Variants in CDH8 observed in about 807,000 individuals in gnomAD.
CDH8 encodes cadherin-8.
In CDH8, 17 loss-of-function variants were observed where a neutral mutation model predicts 68.1. The observed-to-expected ratio is 0.25, with a 90% confidence interval of 0.17 to 0.37. The LOEUF (loss-of-function observed/expected upper bound fraction) is 0.37. CDH8 is among the 10% of genes least tolerant of loss of function. The pLI is 1.00. For missense variants in CDH8, 763 were observed against 999.3 expected, an observed-to-expected ratio of 0.76 and a Z score of 3.19; for synonymous variants, 372 against 365.1, an observed-to-expected ratio of 1.02 and a Z score of -0.21.
chr16:61,930,739 G>A (rs995895206), intron 2 of CDH8, among the ~76,000 whole-genome samples: 3 of 152,106 alleles, frequency 2.0e-5, no homozygotes, highest in African/African-American at 7.2e-5. Context: ...AATGCCTAAA[G>A]TAAGAGTTTG....
At chr16:61,813,612 T>C (rs1596990410) in intron 7 of CDH8, among the ~76,000 whole-genome samples, 1 of 152,008 alleles carries the variant, frequency 6.6e-6, no homozygotes, top group South Asian at 2.1e-4. Context: ...TTCCGTGTCC[T>C]AGCCGGGAGG....
At chr16:61,894,232 T>C (rs770679555) in intron 3 of CDH8, among the ~76,000 whole-genome samples, 4 of 152,198 alleles carry the variant, frequency 2.6e-5, no homozygotes, top group Non-Finnish European at 5.9e-5. Flanking sequence ...CTGTATCTAA[T>C]CCTAAGGAAA....
intron 2 of CDH8, among the ~76,000 whole-genome samples, chr16:61,914,524 GT>G (rs1238992547): frequency 6.6e-6 from 1 of 151,860 alleles, no homozygotes; most frequent in Non-Finnish European, 1.5e-5. Context: ...GATTATCCAA[GT>G]AAAACCAATC....
intron 8 of CDH8, among the ~76,000 whole-genome samples, chr16:61,740,439 A>C (rs1055511150): frequency 6.6e-6 from 1 of 152,158 alleles, no homozygotes; most frequent in Non-Finnish European, 1.5e-5. Flanking sequence ...AAAGCATATA[A>C]ATGTTAAGAA....
At chr16:61,867,773 T>G (rs1963283736) in intron 3 of CDH8, among the ~76,000 whole-genome samples, 1 of 152,160 alleles carries the variant, frequency 6.6e-6, no homozygotes, top group Admixed American at 6.5e-5. Context: ...GATTCCAGAT[T>G]TAGTTGATTC....
intron 8 of CDH8, among the ~76,000 whole-genome samples, chr16:61,788,813 T>G (rs758961498): frequency 1.3e-5 from 2 of 152,002 alleles, no homozygotes; most frequent in Non-Finnish European, 2.9e-5. Context: ...GATATAATTT[T>G]AAACAGCCTA....
chr16:61,994,515 G>A (rs777118834), intron 2 of CDH8, among the ~76,000 whole-genome samples: 5 of 152,150 alleles, frequency 3.3e-5, no homozygotes, highest in African/African-American at 7.2e-5. Context: ...AAAATTTGTC[G>A]AATGACTAAT....
At chr16:61,897,251 A>G (rs188237341) in intron 3 of CDH8, among the ~76,000 whole-genome samples, 1 of 151,956 alleles carries the variant, frequency 6.6e-6, no homozygotes, top group East Asian at 1.9e-4. Flanking sequence ...TTCATTACGT[A>G]GCTGATAATT....
intron 2 of CDH8, among the ~76,000 whole-genome samples, chr16:61,960,366 T>TATATACATGTGTGTGTGTATACACAC (rs1567546703): frequency 1.2e-5 from 1 of 85,782 alleles, no homozygotes; most frequent in African/African-American, 5.8e-5. Flanking sequence ...TGTATACACA[T>TATATACATGTGTGTGTGTATACACAC]ACATATATAC....
chr16:62,000,830 T>C (rs1965881724), intron 2 of CDH8, among the ~76,000 whole-genome samples: 1 of 152,226 alleles, frequency 6.6e-6, no homozygotes, highest in Admixed American at 6.5e-5. Context: ...GTAGTAGTAT[T>C]ACTACTAGTA....
chr16:61,736,771 T>C (rs1300188247), intron 8 of CDH8, among the ~76,000 whole-genome samples: 2 of 152,158 alleles, frequency 1.3e-5, no homozygotes, highest in African/African-American at 4.8e-5. Context: ...ATAAAACTAA[T>C]CAGATAAGCT....
In CDH8 at chr16:61,913,869, A is replaced by G. The variant is rs985940221; in HGVS notation, c.253-12396T>C. 1.6e-4 allele frequency among the ~76,000 whole-genome samples: 25 copies of G among 152,190 alleles called. 1 individual carries two copies. Among genetic ancestry groups the G allele is most frequent in the Admixed American group, 1.5e-3 (23 of 15,270 alleles). ...TCCATTTCTAATCAAAAACAAAAAT[A>G]ATCATTTCAAGCCCACTGTTATAGG... On this transcript the variant is annotated intron_variant, in intron 2 of 11. Coordinates refer to ENST00000577390, the MANE Select transcript of CDH8 (RefSeq NM_001796.5).
intron 8 of CDH8, among the ~76,000 whole-genome samples, chr16:61,751,382 TAAA>T (rs71134375): frequency 0.042 from 2,290 of 54,020 alleles, 26 homozygotes; most frequent in African/African-American, 0.13. Flanking sequence ...ATATTCTCCT[TAAA>T]AAAAAAAAAA....
chr16:61,848,478 T>G (rs1260653178), intron 4 of CDH8, among the ~76,000 whole-genome samples: 8 of 152,124 alleles, frequency 5.3e-5, no homozygotes, highest in Non-Finnish European at 1.2e-4. Flanking sequence ...CTTACCCAAG[T>G]ATATTTAACT....
Position 61,652,018 on chromosome 16 carries a change from T to A in CDH8, c.*1590A>T. On this transcript the variant is annotated 3_prime_UTR_variant, in exon 12 of 12. Transcript: ENST00000577390. ...AAATTAATGACAACAAAGGTATTTA[T>A]AAAAATATATTTCACAAAGTAGGAA... The A allele has an allele frequency of 1.2e-6, 1 of 823,912 alleles. No homozygotes were observed. The highest frequency in any genetic ancestry group is 1.5e-6 in the Non-Finnish European group (1 of 682,936). The allele number at this position is 823,912 out of a possible 1,614,324, so 51.0% of individuals were successfully genotyped here.
intron 10 of CDH8, 150 bp downstream of exon 10, chr16:61,713,691 A>C: frequency 1.9e-6 from 1 of 522,588 alleles, no homozygotes; most frequent in Non-Finnish European, 3.4e-6. Context: ...GAAGTAAGGT[A>C]ATTACCATGC....
intron 8 of CDH8, among the ~76,000 whole-genome samples, chr16:61,746,548 TC>T (rs1175469399): frequency 2.7e-5 from 3 of 112,874 alleles, no homozygotes; most frequent in South Asian, 2.9e-4. Context: ...AACACTTGAT[TC>T]CCCCCCAACA....
Position 61,647,806 on chromosome 16 carries a change from G to A in CDH8, c.*5802C>T. 1.4e-6 allele frequency: 1 copy of A among 699,690 alleles called. No individual in the cohort carries two copies. 43.3% of individuals were successfully genotyped at this position (699,690 alleles called of 1,614,324 possible). ...TTCCTTTTCTGGTCCTGACCTCTGA[G>A]TTCATTGAAGCCATGGTTTTCCACA... On this transcript the variant is annotated 3_prime_UTR_variant, in exon 12 of 12. Transcript: ENST00000577390.
At chr16:61,775,950 T>A (rs959957090) in intron 8 of CDH8, among the ~76,000 whole-genome samples, 36 of 152,224 alleles carry the variant, frequency 2.4e-4, no homozygotes, top group Middle Eastern at 3.4e-3. Context: ...CATATTAACA[T>A]CTCCATATGA....
Sources: allele counts gnomAD v4.1 joint callset (sites outside exome capture counted in the v4.1 genomes callset), GRCh38; gene constraint gnomAD v4.1.1; transcripts MANE v1.5; gene names NCBI Gene and HGNC (gene_info 2026-07-23, HGNC 2026-07-21).